Variants in AATF observed in about 807,000 individuals in gnomAD.
AATF encodes apoptosis antagonizing transcription factor.
Under a neutral mutation model 63.7 loss-of-function variants are expected in AATF, and 48 were observed. The ratio of observed to expected loss-of-function variants is 0.75; its 90% CI spans 0.60 to 0.96. The LOEUF (loss-of-function observed/expected upper bound fraction) is 0.96. Among genes scored for constraint, AATF ranks in the 40% least tolerant of loss-of-function variants. The pLI is 0.00. For synonymous variants in AATF, 258 were observed against 247.7 expected, an observed-to-expected ratio of 1.04 and a Z score of -0.39; for missense variants, 639 against 685.7, an observed-to-expected ratio of 0.93 and a Z score of 0.76.
chr17:36,952,098 G>C (rs918235949), intron 2 of AATF, among the ~76,000 whole-genome samples: 1 of 152,254 alleles, frequency 6.6e-6, no homozygotes, highest in African/African-American at 2.4e-5. Context: ...GACCTTTCCT[G>C]ATTAGTCTCA....
Position 37,033,381 on chromosome 17 carries a change from C to T in AATF, c.1619+1696C>T, listed in dbSNP as rs77759655. 3.3e-3 allele frequency among the ~76,000 whole-genome samples: 495 copies of T among 152,244 alleles called. 3 individuals are homozygous for T. In the Middle Eastern group the frequency reaches 0.037, roughly 12 times the overall value. On this transcript the variant is annotated intron_variant, in intron 11 of 11. Transcript: ENST00000619387. ...AATTAAACCAAACCCTTTAAGGTTA[C>T]GTTATTATCCCAGGCATAAAATGAA...
chr17:36,960,990 C>T (rs561264849), intron 4 of AATF, among the ~76,000 whole-genome samples: 19 of 152,182 alleles, frequency 1.2e-4, no homozygotes, highest in African/African-American at 4.3e-4. Context: ...CCAGAGATAA[C>T]CATAGTTGTC....
chr17:37,002,141 G>A (rs1204916226), intron 8 of AATF, among the ~76,000 whole-genome samples: 1 of 149,090 alleles, frequency 6.7e-6, no homozygotes, highest in African/African-American at 2.5e-5. Context: ...GGTGGAGGTT[G>A]CAGTGAGCCA....
chr17:36,977,035 G>A (rs2071084993), intron 4 of AATF, among the ~76,000 whole-genome samples: 1 of 152,144 alleles, frequency 6.6e-6, no homozygotes, highest in African/African-American at 2.4e-5. Flanking sequence ...TTGACTACTT[G>A]CTTAACAAAA....
chr17:37,017,858 T>C (rs560770314), intron 8 of AATF, among the ~76,000 whole-genome samples: 35 of 152,238 alleles, frequency 2.3e-4, no homozygotes, highest in African/African-American at 8.4e-4. Context: ...GAAAGAGATC[T>C]GCTTTCAGAG....
chr17:36,951,682 C>T (rs920029306), intron 2 of AATF, among the ~76,000 whole-genome samples: 2 of 152,192 alleles, frequency 1.3e-5, no homozygotes, highest in Non-Finnish European at 2.9e-5. Context: ...CCAAGATGTA[C>T]ACTCTAGTAA....
rs893715982 is a variant in AATF at position 36,949,142 on chromosome 17, C to T, written c.17C>T (p.Pro6Leu). The change falls in exon 1 of 12, where the codon CCC becomes CTC. Residue 6 changes from proline (P) to leucine (L), a missense_variant. Physicochemically the swap from Pro to Leu is moderately conservative, Grantham distance 98 (BLOSUM62 -3). Coordinates refer to ENST00000619387, the MANE Select transcript of AATF (RefSeq NM_012138.4). MAGPQ[P>L]LALQLEQLLN... Reference sequence around the variant, plus strand: ...CTGGTGACGATGGCGGGGCCGCAGCCCCTGGCGCTGCAACTGGAACAGTTG... The same window carrying T: ...CTGGTGACGATGGCGGGGCCGCAGCTCCTGGCGCTGCAACTGGAACAGTTG... 3 of 1,582,952 alleles carry T rather than the reference C, an allele frequency of 1.9e-6. No individual in the cohort carries two copies. The highest frequency in any genetic ancestry group is 1.7e-4 in the Middle Eastern group (1 of 6,038).
At chr17:37,047,994 C>T (rs1036976828) in intron 11 of AATF, among the ~76,000 whole-genome samples, 10 of 152,182 alleles carry the variant, frequency 6.6e-5, no homozygotes, top group African/African-American at 2.4e-4. Context: ...TAAGTTGATC[C>T]TGTTAAGAAA....
chr17:36,981,744 T>C (rs1007397269), intron 4 of AATF, among the ~76,000 whole-genome samples: 3 of 147,942 alleles, frequency 2.0e-5, no homozygotes, highest in African/African-American at 7.4e-5. Context: ...CACTGTGTTA[T>C]ATAGGCAGGT....
chr17:37,052,953 G>A (rs986096010), intron 11 of AATF, among the ~76,000 whole-genome samples: 2 of 152,196 alleles, frequency 1.3e-5, no homozygotes, highest in Admixed American at 6.5e-5. Context: ...TGACCGTTAG[G>A]ACTAATGTTT....
At chr17:37,045,984 A>C (rs1239466650) in intron 11 of AATF, 6 of 152,188 alleles carry the variant, frequency 3.9e-5, no homozygotes, top group Non-Finnish European at 1.5e-5. Flanking sequence ...AAAAACCAAA[A>C]AATTATGGAC....
chr17:37,026,099 A>T (rs958424270), intron 10 of AATF, among the ~76,000 whole-genome samples: 1 of 152,168 alleles, frequency 6.6e-6, no homozygotes, highest in African/African-American at 2.4e-5. Flanking sequence ...CCTTAATCTC[A>T]TCATAAAACA....
intron 11 of AATF, among the ~76,000 whole-genome samples, chr17:37,036,403 G>A (rs1350199865): frequency 1.3e-5 from 2 of 152,128 alleles, no homozygotes; most frequent in Admixed American, 6.5e-5. Context: ...TTAAGGGAGA[G>A]AGAGAGATCT....
intron 4 of AATF, among the ~76,000 whole-genome samples, chr17:36,981,199 T>A (rs2071120967): frequency 6.6e-6 from 1 of 152,232 alleles, no homozygotes; most frequent in Admixed American, 6.5e-5. Context: ...AAGGCTCGCA[T>A]AGCTACTTGA....
chr17:36,968,479 T>G (rs925783349), intron 4 of AATF, among the ~76,000 whole-genome samples: 1 of 151,828 alleles, frequency 6.6e-6, no homozygotes, highest in African/African-American at 2.4e-5. Flanking sequence ...TTTTGCTGTG[T>G]TGGCCAGGCT....
intron 10 of AATF, among the ~76,000 whole-genome samples, chr17:37,025,841 A>G (rs1415563287): frequency 1.3e-5 from 2 of 152,190 alleles, no homozygotes; most frequent in African/African-American, 2.4e-5. Flanking sequence ...AAGGTCCACA[A>G]TAGATGCTAA....
In AATF at chr17:36,952,739, A is replaced by G. The variant is rs1481215154; in HGVS notation, c.284-147A>G. ...TCTCCCTTAGCATTTTGGAGATTGT[A>G]GATGTGTAATAAATATATTGTTGAA... is the stretch of plus-strand genomic sequence containing the variant. On this transcript the variant is annotated intron_variant, in intron 2 of 11. Transcript: ENST00000619387. The G allele has an allele frequency of 3.5e-6, 5 of 1,410,516 alleles. No individual in the cohort carries two copies. In the Admixed American group the frequency reaches 1.4e-4, roughly 40 times the overall value. 87.4% of individuals were successfully genotyped at this position (1,410,516 alleles called of 1,614,324 possible).
intron 10 of AATF, among the ~76,000 whole-genome samples, chr17:37,029,766 A>AT (rs2071538231): frequency 6.8e-6 from 1 of 147,090 alleles, no homozygotes; most frequent in South Asian, 2.2e-4. Flanking sequence ...GGGTTTCAAC[A>AT]TGTTGGCCAG....
rs550155417 is a variant in AATF at position 37,004,577 on chromosome 17, A to G, written c.1398+13720A>G. The stretch of plus-strand genomic sequence containing the variant: ...GTAGGGAGGGGTTGGTGTGATGGAT[A>G]GAGGGAAGGCAGGACTTATGAGTAC... On this transcript the variant is annotated intron_variant, in intron 8 of 11. Transcript: ENST00000619387. Among the ~76,000 whole-genome samples, 353 of 152,252 alleles carry G rather than the reference A, an allele frequency of 2.3e-3. 1 individual carries two copies. The highest frequency in any genetic ancestry group is 8.3e-3 in the African/African-American group (343 of 41,538).
Sources: gnomAD v4.1 joint callset for allele counts (sites outside exome capture counted in the v4.1 genomes callset) on GRCh38, gnomAD v4.1.1 for gene constraint, MANE v1.5 for transcripts, NCBI Gene and HGNC (gene_info 2026-07-23, HGNC 2026-07-21) for gene names.